Variants in TRPC6 observed in about 807,000 individuals in gnomAD.
TRPC6 encodes the protein transient receptor potential cation channel subfamily C member 6, also known as short transient receptor potential channel 6.
TRPC6 carries 55 observed loss-of-function variants against 90.7 expected under a neutral mutation model. The ratio of observed to expected loss-of-function variants is 0.61; its 90% CI spans 0.49 to 0.76. The LOEUF (loss-of-function observed/expected upper bound fraction) is 0.76, where lower values mean the gene tolerates loss of function less well. TRPC6 is among the 30% of genes least tolerant of loss of function. The pLI is 0.00. For missense variants in TRPC6, 989 were observed against 1,122.7 expected (o/e 0.88, Z 1.70); for synonymous variants, 393 against 393.0 (o/e 1.00, Z 0.00).
chr11:101,559,519 C>G (rs1861663650), intron 1 of TRPC6, among the ~76,000 whole-genome samples: 1 of 151,888 alleles, frequency 6.6e-6, no homozygotes, highest in Admixed American at 6.6e-5. Context: ...TAAAAGTTAA[C>G]TTTTTTTCAT....
At chr11:101,513,397 CTT>C (rs1017158752) in intron 1 of TRPC6, among the ~76,000 whole-genome samples, 6 of 152,296 alleles carry the variant, frequency 3.9e-5, no homozygotes, top group Admixed American at 6.5e-5. Flanking sequence ...AATAATTTGA[CTT>C]TGCCATAATT....
chr11:101,523,820 GGTT>G (rs1473692410), intron 1 of TRPC6, among the ~76,000 whole-genome samples: 1 of 152,158 alleles, frequency 6.6e-6, no homozygotes, highest in Non-Finnish European at 1.5e-5. Context: ...TAGGAAACAA[GGTT>G]GTTTTAAAAT....
intron 2 of TRPC6, among the ~76,000 whole-genome samples, chr11:101,493,680 G>A (rs749652976): frequency 5.9e-5 from 9 of 152,182 alleles, no homozygotes; most frequent in Non-Finnish European, 1.3e-4. Flanking sequence ...TTCAGTGACA[G>A]ACTTTTCTCT....
intron 1 of TRPC6, 29 bp downstream of exon 1, chr11:101,583,305 C>CCGAT: frequency 6.4e-7 from 1 of 1,556,576 alleles, no homozygotes; most frequent in Non-Finnish European, 8.7e-7. Flanking sequence ...CAGCCCGCGC[C>CCGAT]CGATCCGCCC....
chr11:101,475,863 C>T (rs201804897), intron 6 of TRPC6, among the ~76,000 whole-genome samples: 315 of 151,382 alleles, frequency 2.1e-3, no homozygotes, highest in African/African-American at 7.2e-3. Flanking sequence ...CACACACACA[C>T]ATGTGTGTAC....
chr11:101,460,961 A>G (rs1482654617), intron 10 of TRPC6, among the ~76,000 whole-genome samples: 2 of 152,204 alleles, frequency 1.3e-5, no homozygotes, highest in Non-Finnish European at 2.9e-5. Flanking sequence ...TAACACAACA[A>G]TAACATTACT....
At chr11:101,557,495 G>T (rs764853552) in intron 1 of TRPC6, among the ~76,000 whole-genome samples, 11 of 152,094 alleles carry the variant, frequency 7.2e-5, no homozygotes, top group Non-Finnish European at 1.0e-4. Flanking sequence ...CATAGTACTG[G>T]AAGAGCTTAC....
intron 10 of TRPC6, among the ~76,000 whole-genome samples, chr11:101,467,789 T>TCTAA (rs1389774311): frequency 6.6e-6 from 1 of 152,158 alleles, no homozygotes; most frequent in African/African-American, 2.4e-5. Context: ...TTTTTAAATA[T>TCTAA]CTAACTCTCA....
chr11:101,554,375 G>C (rs11224849), intron 1 of TRPC6, among the ~76,000 whole-genome samples: 4,287 of 151,438 alleles, frequency 0.028, 212 homozygotes, highest in African/African-American at 0.085. Flanking sequence ...ATGTTAACTG[G>C]GCATCTAAGC....
At chr11:101,523,005 G>C (rs988362324) in intron 1 of TRPC6, among the ~76,000 whole-genome samples, 8 of 152,174 alleles carry the variant, frequency 5.3e-5, no homozygotes, top group Non-Finnish European at 1.0e-4. Context: ...GTATATTGTG[G>C]ACTAATTTAT....
intron 1 of TRPC6, among the ~76,000 whole-genome samples, chr11:101,547,782 C>A (rs79725741): frequency 0.015 from 2,230 of 152,236 alleles, 43 homozygotes; most frequent in African/African-American, 0.051. Flanking sequence ...AACAGGGGCA[C>A]ACAGGTGTGT....
At position 101,472,285 on chromosome 11, in the gene TRPC6, GA is replaced by G; in HGVS notation, c.2056del (p.Ser686LeufsTer3). On this transcript the variant is annotated frameshift_variant, in exon 8 of 13. Transcript: ENST00000344327. LOFTEE classifies it high-confidence loss of function. ...GTTGATGACCACTGATTTCACTTCA[GA>G]AAGTCCAAATATAGCCCAGAACAGT... is the stretch of plus-strand genomic sequence containing the variant. ...KTLFWAIFGL[S>X]EVKSVVINYN... 1 of 1,613,156 alleles carries G rather than the reference GA, an allele frequency of 6.2e-7. No homozygotes were observed. Among genetic ancestry groups the G allele is most frequent in the East Asian group, 2.2e-5 (1 of 44,838 alleles).
At chr11:101,537,258 C>T (rs1861071412) in intron 1 of TRPC6, among the ~76,000 whole-genome samples, 1 of 151,938 alleles carries the variant, frequency 6.6e-6, no homozygotes, top group Non-Finnish European at 1.5e-5. Context: ...ATCCTGATTC[C>T]CAAGGACACA....
chr11:101,538,940 C>T (rs1591120632), intron 1 of TRPC6, among the ~76,000 whole-genome samples: 2 of 152,186 alleles, frequency 1.3e-5, no homozygotes, highest in South Asian at 4.1e-4. Context: ...TTTCTAAAGT[C>T]TCTCAATAAG....
At chr11:101,494,206 G>A (rs969251297) in intron 2 of TRPC6, among the ~76,000 whole-genome samples, 52 of 152,046 alleles carry the variant, frequency 3.4e-4, no homozygotes, top group African/African-American at 1.1e-3. Flanking sequence ...TAGTAGTTAC[G>A]ACTTGGTAGT....
intron 3 of TRPC6, among the ~76,000 whole-genome samples, chr11:101,491,184 C>G (rs1022051846): frequency 6.6e-6 from 1 of 152,080 alleles, no homozygotes. Flanking sequence ...CAGTGGCTCA[C>G]GCCTGCAATC....
chr11:101,479,996 T>A (rs1859513220), intron 5 of TRPC6, among the ~76,000 whole-genome samples: 2 of 152,084 alleles, frequency 1.3e-5, no homozygotes, highest in African/African-American at 4.8e-5. Context: ...TGGACCAACA[T>A]GGAGAAACCC....
chr11:101,545,016 TA>T (rs1451391985), intron 1 of TRPC6, among the ~76,000 whole-genome samples: 2 of 152,160 alleles, frequency 1.3e-5, no homozygotes, highest in African/African-American at 4.8e-5. Flanking sequence ...TTGTTCAATT[TA>T]TGAAGATCAC....
chr11:101,457,936 C>T (rs564634120), intron 10 of TRPC6, among the ~76,000 whole-genome samples: 14 of 152,100 alleles, frequency 9.2e-5, no homozygotes, highest in Non-Finnish European at 1.8e-4. Context: ...TCTACACATA[C>T]CCCTTTACTT....
Sources: allele counts gnomAD v4.1 joint callset (sites outside exome capture counted in the v4.1 genomes callset), GRCh38; gene constraint gnomAD v4.1.1; transcripts MANE v1.5; gene names NCBI Gene and HGNC (gene_info 2026-07-23, HGNC 2026-07-21).